KRT37: variants seen among roughly 807,000 people sequenced by gnomAD.
KRT37 encodes the protein keratin, type I cuticular Ha7.
Under a neutral mutation model 41.9 loss-of-function variants are expected in KRT37, and 38 were observed. The observed-to-expected ratio is 0.91, with a 90% CI of 0.70 to 1.19. The LOEUF is 1.19. Among genes scored for constraint, KRT37 ranks in the 50% most tolerant of loss-of-function variants. The pLI is 0.00. For synonymous variants in KRT37, 252 were observed against 243.4 expected (o/e 1.04, Z -0.33); for missense variants, 580 against 575.5 (o/e 1.01, Z -0.08).
chr17:41,421,420 C>G lies in KRT37; in HGVS notation c.1188G>C (p.Arg396=). The change falls in exon 6 of 7, where the codon CGG becomes CGC. Residue 396 remains arginine (R), a synonymous_variant. Transcript: ENST00000225550. ...GGTATGTGGCAATCTCGTTCTCCAA[C>G]CGGGCCTTCACGTCCAGCAGCACCT... is the stretch of plus-strand genomic sequence containing the variant. ...EYQVLLDVKA[R]LENEIATYRN... 6.2e-7 allele frequency: 1 copy of G among 1,614,244 alleles called. No individual in the cohort carries two copies. Among genetic ancestry groups the G allele is most frequent in the Non-Finnish European group, 8.5e-7 (1 of 1,180,040 alleles).
rs35371972 is a variant in KRT37 at position 41,420,966 on chromosome 17, G to A, written c.1262C>T (p.Ser421Phe). ...EDCKLPCNPC[S>F]TPASCTSCPS... ...ACAAGAAGTACAGGAGGCAGGCGTG[G>A]AACAGGGATTGCAGGGGAGTCTGCA... is the stretch of plus-strand genomic sequence containing the variant. Residue 421 changes from serine to phenylalanine, a missense_variant, in exon 7 of 7, where the codon TCC becomes TTC. Coordinates refer to ENST00000225550, the MANE Select transcript of KRT37 (RefSeq NM_003770.5). The A allele has an allele frequency of 3.5e-3, 5,669 of 1,613,760 alleles. 156 individuals carry two copies. The African/African-American group carries it at 0.067, about 19-fold the overall frequency.
At chr17:41,423,071 CGACACGGTTTGTAGTCAG>C (rs1567690999) in intron 2 of KRT37, 137 bp from the exon 3 acceptor site, 9 of 1,050,326 alleles carry the variant, frequency 8.6e-6, no homozygotes, top group Non-Finnish European at 2.7e-6. Flanking sequence ...AACCCTGCAG[CGACACGGTTTGTAGTCAG>C]GACATTATGC....
At chr17:41,423,883 A>G in intron 1 of KRT37, 39 bp from the exon 2 acceptor site, 1 of 1,611,848 alleles carries the variant, frequency 6.2e-7, no homozygotes, top group Non-Finnish European at 8.5e-7. Context: ...ACAAAGCACC[A>G]TACTCTAAGC....
chr17:41,422,483 A>G, intron 3 of KRT37, 49 bp from the exon 4 acceptor site: 1 of 1,604,460 alleles, frequency 6.2e-7, no homozygotes, highest in South Asian at 1.1e-5. Flanking sequence ...ACGGCCTTTG[A>G]TGGAGCAGAC....
Position 41,424,374 on chromosome 17 carries a change from T to C in KRT37, c.150A>G (p.Ala50=), listed in dbSNP as rs370949592. ...ACCCCACACGGACTCTGTTGGCGTG[T>C]GCCACGTTGGCCAAGAGGCACATGG... ...AASMCLLANV[A]HANRVRVGST... is the part of the protein sequence containing the mutation. The change falls in exon 1 of 7, where the codon GCA becomes GCG. Residue 50 remains alanine, a synonymous_variant. Coordinates refer to ENST00000225550, the MANE Select transcript of KRT37 (RefSeq NM_003770.5). The C allele has an allele frequency of 8.7e-6, 14 of 1,613,762 alleles. No individual in the cohort carries two copies. The highest frequency in any genetic ancestry group is 2.7e-5 in the African/African-American group (2 of 74,936).
At chr17:41,421,245 A>G in intron 6 of KRT37, 122 bp downstream of exon 6, 1 of 1,070,210 alleles carries the variant, frequency 9.3e-7, no homozygotes, top group African/African-American at 1.6e-5. Context: ...TGAGTCACTG[A>G]GCAAGAGAGC....
At position 41,420,908 on chromosome 17, in the gene KRT37, G is replaced by C; in HGVS notation, c.1320C>G (p.Pro440=). 6.2e-7 allele frequency: 1 copy of C among 1,613,910 alleles called. No homozygotes were observed. Among genetic ancestry groups the C allele is most frequent in the Non-Finnish European group, 8.5e-7 (1 of 1,179,860 alleles). The part of the protein sequence containing the change: ...PSCGPVTGGS[P]SGHGASMGR Reference sequence around the variant, plus strand: ...TCCCCATGCTGGCTCCATGGCCAGAGGGAGACCCACCGGTGACAGGGCCAC... The same window carrying C: ...TCCCCATGCTGGCTCCATGGCCAGACGGAGACCCACCGGTGACAGGGCCAC... The change falls in exon 7 of 7, where the codon CCC becomes CCG. Residue 440 remains proline (P), a synonymous_variant. Coordinates refer to ENST00000225550, the MANE Select transcript of KRT37 (RefSeq NM_003770.5).
chr17:41,421,308 T>G, intron 6 of KRT37, 59 bp downstream of exon 6: 2 of 1,559,778 alleles, frequency 1.3e-6, no homozygotes, highest in South Asian at 2.2e-5. Context: ...TTCCATTACC[T>G]CTGAGGAATT....
rs1266939710 is a variant in KRT37, at chr17:41,422,166, G to A, written c.923C>T (p.Ser308Phe). ...QSEGISLQAM[S>F]CSEELQCCQS... Reference sequence around the variant, plus strand: ...GCAGCACTGCAGCTCCTCGGAGCAGGACATGGCCTGCAGGCTGATGCCTTC... The same window carrying A: ...GCAGCACTGCAGCTCCTCGGAGCAGAACATGGCCTGCAGGCTGATGCCTTC... The change falls in exon 5 of 7, where the codon TCC becomes TTC. Residue 308 changes from serine (S) to phenylalanine (F), a missense_variant. Coordinates refer to ENST00000225550, the MANE Select transcript of KRT37 (RefSeq NM_003770.5). 2 of 1,614,060 alleles carry A rather than the reference G, an allele frequency of 1.2e-6. No homozygotes were observed. Among genetic ancestry groups the A allele is most frequent in the African/African-American group, 1.3e-5 (1 of 74,916 alleles).
In KRT37 at chr17:41,423,785, CA is replaced by C; in HGVS notation, c.551del (p.Leu184ArgfsTer48). ...RLIVQIDNAK[L>X]AADDFRIKLE... Reference sequence around the variant, plus strand: ...ACTTGATCCTAAAGTCATCAGCAGCCAGCTTCGCGTTGTCAATTTGTACAAT... The same window carrying C: ...ACTTGATCCTAAAGTCATCAGCAGCCGCTTCGCGTTGTCAATTTGTACAAT... On this transcript the variant is annotated frameshift_variant, in exon 2 of 7. Coordinates refer to ENST00000225550, the MANE Select transcript of KRT37 (RefSeq NM_003770.5). LOFTEE classifies it high-confidence loss of function. 1 of 1,614,232 alleles carries C rather than the reference CA, an allele frequency of 6.2e-7. No individual in the cohort carries two copies. The highest frequency in any genetic ancestry group is 8.5e-7 in the Non-Finnish European group (1 of 1,180,036).
chr17:41,423,486 GA>G (rs898953080), intron 2 of KRT37: 1 of 418,510 alleles, frequency 2.4e-6, no homozygotes, highest in Non-Finnish European at 4.2e-6. Context: ...ACTTCTGATT[GA>G]AAAGCAAAAT....
At chr17:41,423,014 C>T in intron 2 of KRT37, 80 bp from the exon 3 acceptor site, 1 of 1,518,998 alleles carries the variant, frequency 6.6e-7, no homozygotes, top group Non-Finnish European at 8.9e-7. Flanking sequence ...ACCTCCCACA[C>T]CACCTTGGAT....
chr17:41,421,174 T>C (rs776263400), intron 6 of KRT37, among the ~76,000 whole-genome samples, 188 bp from the exon 7 acceptor site: 2 of 152,198 alleles, frequency 1.3e-5, no homozygotes, highest in Non-Finnish European at 2.9e-5. Flanking sequence ...CTTAGGGACC[T>C]GGCTATCATT....
At position 41,422,880 on chromosome 17, in the gene KRT37, C is replaced by T. The variant is rs779203297; in HGVS notation, c.630G>A (p.Thr210=). 22 of 1,613,998 alleles carry T rather than the reference C, an allele frequency of 1.4e-5. No individual in the cohort carries two copies. Among genetic ancestry groups the T allele is most frequent in the African/African-American group, 1.2e-4 (9 of 74,948 alleles). ...HQLVEADKCG[T]QKLLDDATLA... is the part of the protein sequence containing the mutation. Reference sequence around the variant, plus strand: ...GGGTCGCGTCATCCAGGAGCTTCTGCGTCCCGCACTTGTCCGCCTCCACCA... The same window carrying T: ...GGGTCGCGTCATCCAGGAGCTTCTGTGTCCCGCACTTGTCCGCCTCCACCA... Residue 210 remains threonine (T), a synonymous_variant, in exon 3 of 7, where the codon ACG becomes ACA. Coordinates refer to ENST00000225550, the MANE Select transcript of KRT37 (RefSeq NM_003770.5).
In KRT37 at chr17:41,424,261, T is replaced by G. The variant is rs756443611; in HGVS notation, c.263A>C (p.Asn88Thr). 6.8e-6 allele frequency: 11 copies of G among 1,614,206 alleles called. No homozygotes were observed. Among genetic ancestry groups the G allele is most frequent in the Non-Finnish European group, 9.3e-6 (11 of 1,180,032 alleles). The change falls in exon 1 of 7, where the codon AAC becomes ACC. Residue 88 changes from asparagine (N) to threonine (T), a missense_variant. By Grantham distance (65) the Asn-to-Thr change is moderately conservative (BLOSUM62 0). Transcript: ENST00000225550. ...GCCGTAGGCCCCACAGATTCCGATG[T>G]TGCCGGGAATGTGACAGGTCCCTGG... ...PLPGTCHIPG[N>T]IGICGAYGKN...
chr17:41,420,865 C>T lies in KRT37; in HGVS notation c.*13G>A, dbSNP rs778067657. The T allele has an allele frequency of 7.0e-6, 11 of 1,582,176 alleles. No individual in the cohort carries two copies. The highest frequency in any genetic ancestry group is 2.2e-5 in the East Asian group (1 of 44,766). On this transcript the variant is annotated 3_prime_UTR_variant, in exon 7 of 7. Coordinates refer to ENST00000225550, the MANE Select transcript of KRT37 (RefSeq NM_003770.5). Reference sequence around the variant, plus strand: ...TGCAACCAGCCTCAATCTCCTAACTCGGGCCTTCAGAATCATCTCCCCATG... The same window carrying T: ...TGCAACCAGCCTCAATCTCCTAACTTGGGCCTTCAGAATCATCTCCCCATG...
intron 2 of KRT37, 86 bp from the exon 3 acceptor site, chr17:41,423,020 T>G: frequency 6.7e-7 from 1 of 1,498,060 alleles, no homozygotes; most frequent in Non-Finnish European, 9.0e-7. Context: ...CACACCACCT[T>G]GGATCCTTAT....
intron 2 of KRT37, 61 bp downstream of exon 2, chr17:41,423,701 G>T: frequency 6.8e-7 from 1 of 1,480,458 alleles, no homozygotes; most frequent in Non-Finnish European, 9.4e-7. Flanking sequence ...TGAGTAATGG[G>T]GCGGGCCCTT....
In KRT37 at chr17:41,421,555, C is replaced by G. The variant is rs138622207; in HGVS notation, c.1053G>C (p.Ala351=). 11 of 1,614,220 alleles carry G rather than the reference C, an allele frequency of 6.8e-6. No homozygotes were observed. The highest frequency in any genetic ancestry group is 8.5e-6 in the Non-Finnish European group (10 of 1,180,050). Residue 351 remains alanine (A), a synonymous_variant, in exon 6 of 7, where the codon GCG becomes GCC. Transcript: ENST00000225550. ...CCAGCTCTGTGCCGTAGCGGTCCTCCGCTTCACACAGGGAGTTCTGCAGAC... is the reference window on the plus strand; with the variant it reads ...CCAGCTCTGTGCCGTAGCGGTCCTCGGCTTCACACAGGGAGTTCTGCAGAC... ...KDCLQNSLCE[A]EDRYGTELAQ...
Sources: gnomAD v4.1 joint callset for allele counts (sites outside exome capture counted in the v4.1 genomes callset) on GRCh38, gnomAD v4.1.1 for gene constraint, MANE v1.5 for transcripts, NCBI Gene and HGNC (gene_info 2026-07-23, HGNC 2026-07-21) for gene names.